Variants in PLD5 observed in about 807,000 individuals in gnomAD.
The protein encoded by PLD5 is inactive phospholipase D5.
In PLD5, 36 loss-of-function variants were observed where a neutral mutation model predicts 61.1. The ratio of observed to expected loss-of-function variants is 0.59; its 90% CI spans 0.45 to 0.78. The LOEUF (loss-of-function observed/expected upper bound fraction) is 0.78, where lower values mean the gene tolerates loss of function less well. Among genes scored for constraint, PLD5 ranks in the 30% least tolerant of loss-of-function variants. The pLI, the probability that PLD5 is intolerant of heterozygous loss-of-function variation, is 0.00. For missense variants in PLD5, 515 were observed against 644.4 expected, an observed-to-expected ratio of 0.80 and a Z score of 2.17; for synonymous variants, 243 against 242.8, an observed-to-expected ratio of 1.00 and a Z score of -0.01.
At chr1:242,185,039 T>A (rs150948615) in intron 5 of PLD5, among the ~76,000 whole-genome samples, 213 of 152,304 alleles carry the variant, frequency 1.4e-3, no homozygotes, top group African/African-American at 4.8e-3. Context: ...GAGCATCACA[T>A]TGCATAAAAC....
At chr1:242,259,238 G>A (rs1574626177) in intron 4 of PLD5, among the ~76,000 whole-genome samples, 1 of 151,652 alleles carries the variant, frequency 6.6e-6, no homozygotes, top group South Asian at 2.1e-4. Flanking sequence ...GATCCCAGGA[G>A]TTCAAAGCTG....
At chr1:242,223,032 C>T (rs1158674321) in intron 4 of PLD5, among the ~76,000 whole-genome samples, 1 of 152,180 alleles carries the variant, frequency 6.6e-6, no homozygotes, top group Admixed American at 6.5e-5. Flanking sequence ...CCATACACAA[C>T]AGAAATGTAT....
chr1:242,098,028 G>C (rs1428031448), intron 9 of PLD5, among the ~76,000 whole-genome samples: 1 of 152,116 alleles, frequency 6.6e-6, no homozygotes, highest in African/African-American at 2.4e-5. Flanking sequence ...TCTTGTTTTT[G>C]TCAGGTTTGT....
intron 5 of PLD5, among the ~76,000 whole-genome samples, chr1:242,212,164 G>T (rs908049969): frequency 6.6e-6 from 1 of 152,062 alleles, no homozygotes; most frequent in Admixed American, 6.6e-5. Flanking sequence ...CCTCAGCCCC[G>T]ATATCACCAG....
chr1:242,163,307 C>T (rs1666022951), intron 5 of PLD5, among the ~76,000 whole-genome samples: 1 of 151,890 alleles, frequency 6.6e-6, no homozygotes, highest in Non-Finnish European at 1.5e-5. Flanking sequence ...CCACGCCCGG[C>T]TAATTTTTTG....
chr1:242,367,522 T>TGA (rs940129137), intron 1 of PLD5, among the ~76,000 whole-genome samples: 2 of 151,826 alleles, frequency 1.3e-5, no homozygotes, highest in African/African-American at 4.8e-5. Context: ...CCTCAGAGAG[T>TGA]GAGAACTCCC....
rs58100712 is a variant in PLD5 at position 242,149,670 on chromosome 1, T to TACACAC, written c.736-25011_736-25006dup. Among the ~76,000 whole-genome samples the TACACAC allele has an allele frequency of 3.2e-3, 474 of 146,686 alleles. 6 individuals are homozygous for TACACAC. The highest frequency in any genetic ancestry group is 0.011 in the African/African-American group (453 of 40,122). On this transcript the variant is annotated intron_variant, in intron 5 of 9. Transcript: ENST00000536534. ...TCAGAAGACTTAAGTTTTATACACA[T>TACACAC]ACACACACACACACACACACACACA...
intron 3 of PLD5, among the ~76,000 whole-genome samples, chr1:242,282,610 C>T (rs1674775205): frequency 6.6e-6 from 1 of 152,140 alleles, no homozygotes; most frequent in African/African-American, 2.4e-5. Context: ...CTTAAGATTC[C>T]ATTGTTGCAG....
At chr1:242,335,399 C>T (rs1264490070) in intron 2 of PLD5, among the ~76,000 whole-genome samples, 52 of 152,196 alleles carry the variant, frequency 3.4e-4, no homozygotes, top group Non-Finnish European at 1.2e-4. Context: ...GGTCATCTGT[C>T]ATGAACCACA....
chr1:242,434,624 T>C (rs956477617), intron 1 of PLD5, among the ~76,000 whole-genome samples: 16 of 152,300 alleles, frequency 1.1e-4, no homozygotes, highest in Admixed American at 7.8e-4. Context: ...TTTATTTATT[T>C]ATTTTTTGAG....
At chr1:242,116,406 T>TA (rs1491523058) in intron 6 of PLD5, among the ~76,000 whole-genome samples, 8 of 152,162 alleles carry the variant, frequency 5.3e-5, no homozygotes, top group African/African-American at 1.9e-4. Flanking sequence ...GTCGGTTTTT[T>TA]AAAAAAGAAT....
At chr1:242,414,096 G>A (rs188821446) in intron 1 of PLD5, among the ~76,000 whole-genome samples, 5 of 152,262 alleles carry the variant, frequency 3.3e-5, no homozygotes, top group Admixed American at 1.3e-4. Context: ...ATGTGCTTAA[G>A]GTGGAAACTA....
At chr1:242,209,683 G>T (rs1335970317) in intron 5 of PLD5, among the ~76,000 whole-genome samples, 1 of 143,250 alleles carries the variant, frequency 7.0e-6, no homozygotes, top group Non-Finnish European at 1.5e-5. Flanking sequence ...CTCTCCTTGG[G>T]CCGCCTATTT....
chr1:242,123,957 C>A (rs1420438836), intron 6 of PLD5, among the ~76,000 whole-genome samples: 1 of 152,182 alleles, frequency 6.6e-6, no homozygotes, highest in Non-Finnish European at 1.5e-5. Flanking sequence ...GGGCCTCTTG[C>A]CTGCTTGCCC....
intron 5 of PLD5, among the ~76,000 whole-genome samples, chr1:242,184,577 CA>C (rs1014939996): frequency 2.0e-5 from 3 of 152,144 alleles, no homozygotes; most frequent in African/African-American, 7.2e-5. Flanking sequence ...CCCTGTCGGC[CA>C]GGCTAGTCTC....
intron 1 of PLD5, among the ~76,000 whole-genome samples, chr1:242,483,268 T>G (rs1322787265): frequency 1.3e-5 from 2 of 152,118 alleles, no homozygotes; most frequent in African/African-American, 4.8e-5. Flanking sequence ...ACTGGCAAAT[T>G]GGATAAAGAG....
At chr1:242,207,950 T>TTTTATATA (rs1558344775) in intron 5 of PLD5, among the ~76,000 whole-genome samples, 178 of 10,116 alleles carry the variant, frequency 0.018, 38 homozygotes, top group African/African-American at 0.058. Context: ...TTATATATAT[T>TTTTATATA]TATTTATATA....
At chr1:242,408,546 T>C (rs1372501505) in intron 1 of PLD5, among the ~76,000 whole-genome samples, 3 of 152,174 alleles carry the variant, frequency 2.0e-5, no homozygotes, top group Non-Finnish European at 4.4e-5. Flanking sequence ...CTCATTGCTC[T>C]CTCGTTCCTG....
intron 1 of PLD5, among the ~76,000 whole-genome samples, chr1:242,378,477 T>C (rs1196293472): frequency 6.6e-6 from 1 of 152,212 alleles, no homozygotes; most frequent in South Asian, 2.1e-4. Flanking sequence ...TTAATACTAC[T>C]GAACTGTACA....
Sources: gnomAD v4.1 joint callset for allele counts (sites outside exome capture counted in the v4.1 genomes callset) on GRCh38, gnomAD v4.1.1 for gene constraint, MANE v1.5 for transcripts, NCBI Gene and HGNC (gene_info 2026-07-23, HGNC 2026-07-21) for gene names.